Variants in HMX1 observed in about 807,000 individuals in gnomAD.
The protein encoded by HMX1 is H6 family homeobox 1.
HMX1 carries 8 observed loss-of-function variants against 8.9 expected under a neutral mutation model. The ratio of observed to expected loss-of-function variants is 0.90; its 90% CI spans 0.53 to 1.63. The LOEUF is 1.63. HMX1 is among the 40% of genes most tolerant of loss of function. HMX1 has a pLI of 0.00. For missense variants in HMX1, 621 were observed against 558.5 expected (o/e 1.11, Z -1.13); for synonymous variants, 311 against 283.4 (o/e 1.10, Z -0.98).
chr4:8,868,246 G>C lies in HMX1; in HGVS notation c.494C>G (p.Ala165Gly), dbSNP rs1412313046. Residue 165 changes from alanine to glycine, a missense_variant, in exon 2 of 2, where the codon GCG (alanine) becomes GGG (glycine). Coordinates refer to ENST00000400677, the MANE Select transcript of HMX1 (RefSeq NM_018942.3). This position sits in a 1 kb window ranked among gnomAD's most constrained non-coding sequence, Gnocchi z 4.6. ...PGPGAVQREA[A>G]ELAARGPAAG... The stretch of plus-strand genomic sequence containing the variant: ...CGCCGGGCCACGCGCCGCCAGCTCC[G>C]CTGCCTCCCGCTGCACCGCTCCCGG... 12 of 1,434,604 alleles carry C rather than the reference G, an allele frequency of 8.4e-6. No homozygotes were observed. The Admixed American group carries it at 2.2e-4, about 26-fold the overall frequency. 88.9% of individuals were successfully genotyped at this position (1,434,604 alleles called of 1,614,324 possible).
At chr4:8,856,605 G>C (rs1721615096) in intron 1 of HMX1, among the ~76,000 whole-genome samples, 1 of 152,146 alleles carries the variant, frequency 6.6e-6, no homozygotes, top group African/African-American at 2.4e-5. Flanking sequence ...ACACGGGTGT[G>C]CACATTTATC....
Position 8,868,002 on chromosome 4 carries a change from C to G in HMX1, c.738G>C (p.Gln246His). The G allele has an allele frequency of 6.5e-7, 1 of 1,544,448 alleles. No homozygotes were observed. The highest frequency in any genetic ancestry group is 8.7e-7 in the Non-Finnish European group (1 of 1,145,502). Residue 246 changes from glutamine (Q) to histidine (H), a missense_variant, in exon 2 of 2, where the codon CAG becomes CAC. By Grantham distance (24) the Gln-to-His change is conservative. Coordinates refer to ENST00000400677, the MANE Select transcript of HMX1 (RefSeq NM_018942.3). The surrounding 1 kb of genome is among the most constrained non-coding windows in gnomAD (Gnocchi z 4.6). ...LAASLQLTET[Q>H]VKIWFQNRRN... ...GGCGGTTCTGGAACCAGATCTTAAC[C>G]TGCGTCTCGGTGAGCTGCAGGGAGG...
chr4:8,865,123 C>T (rs1275243842), downstream of HMX1, among the ~76,000 whole-genome samples: 1 of 152,186 alleles, frequency 6.6e-6, no homozygotes, highest in African/African-American at 2.4e-5. Context: ...TTAAGGCCAC[C>T]TGTGAAGGGC....
At chr4:8,851,677 A>C (rs1227493615) in intron 1 of HMX1, among the ~76,000 whole-genome samples, 1 of 152,190 alleles carries the variant, frequency 6.6e-6, no homozygotes. Flanking sequence ...TCAGGCATGA[A>C]TCTGCCATGG....
intron 1 of HMX1, among the ~76,000 whole-genome samples, chr4:8,851,242 G>A (rs1024962190): frequency 3.9e-5 from 6 of 152,182 alleles, no homozygotes; most frequent in South Asian, 2.1e-4. Flanking sequence ...TCGGGTCTTC[G>A]TGGCAGAACA....
At position 8,848,338 on chromosome 4, in the gene HMX1, A is replaced by G. The variant is rs1056054926; in HGVS notation, c.395-2014T>C. ...CTGTTTGTTCTTTAATGTAGCTACT[A>G]GAAAATTTATATCACATATGTGGTT... is the stretch of plus-strand genomic sequence containing the variant. On this transcript the variant is annotated intron_variant, in intron 1 of 1. Transcript: ENST00000506970. This position sits in a 1 kb window ranked among gnomAD's most constrained non-coding sequence, Gnocchi z 4.1. 6.6e-6 allele frequency among the ~76,000 whole-genome samples: 1 copy of G among 152,354 alleles called. No individual in the cohort carries two copies. Among genetic ancestry groups the G allele is most frequent in the East Asian group, 1.9e-4 (1 of 5,184 alleles).
intron 1 of HMX1, among the ~76,000 whole-genome samples, chr4:8,858,063 C>T (rs1276329964): frequency 6.6e-6 from 1 of 152,004 alleles, no homozygotes; most frequent in Non-Finnish European, 1.5e-5. Context: ...AGACGGGGAT[C>T]AATGCCGGGC....
rs1577189486 is a variant in HMX1, at chr4:8,846,106, T to C, written c.*40A>G. The C allele has an allele frequency of 4.7e-6, 3 of 641,774 alleles. No individual in the cohort carries two copies. In the East Asian group the frequency reaches 8.3e-5, roughly 18 times the overall value. 39.8% of individuals were successfully genotyped at this position (641,774 alleles called of 1,614,324 possible). ...GCACACACTAAGGTTTATTTCTTGC[T>C]CACACTGAGTGCCCCCTGTGGGAAC... On this transcript the variant is annotated 3_prime_UTR_variant, in exon 2 of 2. Coordinates refer to the HMX1 transcript ENST00000506970.
rs1276905522 is a variant in HMX1, at chr4:8,871,827, T to G, written c.-213A>C. The G allele has an allele frequency of 4.1e-6, 2 of 490,450 alleles. No individual in the cohort carries two copies. Among genetic ancestry groups the G allele is most frequent in the Non-Finnish European group, 5.2e-6 (2 of 386,462 alleles). The allele number at this position is 490,450 out of a possible 1,614,324, so 30.4% of individuals were successfully genotyped here. ...GCCGACAGCTGATCGGGCAGCCGCC[T>G]GGCTCGCCTTTCAGGTCGCCGTTCT... On this transcript the variant is annotated 5_prime_UTR_variant, in exon 1 of 2. Transcript: ENST00000400677. This position sits in a 1 kb window ranked among gnomAD's most constrained non-coding sequence, Gnocchi z 4.8.
At chr4:8,862,474 C>G (rs917126086), downstream of HMX1, among the ~76,000 whole-genome samples, 6 of 152,218 alleles carry the variant, frequency 3.9e-5, no homozygotes, top group African/African-American at 1.2e-4. Context: ...GTTCTTAAAC[C>G]GTGACCAATC....
Position 8,848,703 on chromosome 4 carries a change from G to A in HMX1, c.395-2379C>T, listed in dbSNP as rs1721346766. Among the ~76,000 whole-genome samples, 1 of 152,132 alleles carries A rather than the reference G, an allele frequency of 6.6e-6. No individual in the cohort carries two copies. The highest frequency in any genetic ancestry group is 1.5e-5 in the Non-Finnish European group (1 of 68,032). ...TGCCTTGCAAGAACACAGATCTGCA[G>A]GCCACTAGAACCAAGCAAGATGCCA... On this transcript the variant is annotated intron_variant, in intron 1 of 1. Transcript: ENST00000506970. The surrounding 1 kb of genome is among the most constrained non-coding windows in gnomAD (Gnocchi z 4.1).
In HMX1 at chr4:8,867,546, C is replaced by A; in HGVS notation, c.*147G>T. Reference sequence around the variant, plus strand: ...CTCCCCACAGAAGCTGAGGCCCGCCCGGCCGCGGCCTGCGCTCCCGAGGTA... The same window carrying A: ...CTCCCCACAGAAGCTGAGGCCCGCCAGGCCGCGGCCTGCGCTCCCGAGGTA... On this transcript the variant is annotated 3_prime_UTR_variant, in exon 2 of 2. Coordinates refer to ENST00000400677, the MANE Select transcript of HMX1 (RefSeq NM_018942.3). 1 of 1,188,240 alleles carries A rather than the reference C, an allele frequency of 8.4e-7. No individual in the cohort carries two copies. Among genetic ancestry groups the A allele is most frequent in the South Asian group, 4.3e-5 (1 of 23,156 alleles). 73.6% of individuals were successfully genotyped at this position (1,188,240 alleles called of 1,614,324 possible).
At position 8,867,760 on chromosome 4, in the gene HMX1, G is replaced by C; in HGVS notation, c.980C>G (p.Pro327Arg). 1 of 1,283,296 alleles carries C rather than the reference G, an allele frequency of 7.8e-7. No homozygotes were observed. Among genetic ancestry groups the C allele is most frequent in the South Asian group, 2.8e-5 (1 of 35,630 alleles). The allele number at this position is 1,283,296 out of a possible 1,614,324, so 79.5% of individuals were successfully genotyped here. A position where few individuals can be genotyped will look rare whatever the true frequency, so the allele number is the denominator to read the frequency against. The part of the protein sequence containing the change: ...LLGFSGALAY[P>R]LAAFPAAASV... ...GGCGGCGGCCGGGAAGGCGGCCAGC[G>C]GGTAGGCGAGGGCCCCGGAGAAGCC... The change falls in exon 2 of 2, where the codon CCG (proline) becomes CGG (arginine). Residue 327 changes from proline to arginine, a missense_variant. Physicochemically the swap from Pro to Arg is moderately radical, Grantham distance 103. Transcript: ENST00000400677.
chr4:8,865,511 GGCTGT>G (rs1721967498), downstream of HMX1, among the ~76,000 whole-genome samples: 4 of 151,192 alleles, frequency 2.6e-5, no homozygotes, highest in South Asian at 8.4e-4. Flanking sequence ...CGGTGTCGCC[GGCTGT>G]GCCCTGGCCC....
At chr4:8,863,975 T>C (rs145974621), downstream of HMX1, among the ~76,000 whole-genome samples, 1,046 of 152,244 alleles carry the variant, frequency 6.9e-3, 16 homozygotes, top group African/African-American at 0.024. Context: ...GACTCTGCCT[T>C]TGGAGGTCCC....
rs143990544 is a variant in HMX1 at position 8,847,784 on chromosome 4, T to C, written c.395-1460A>G. ...CAGTTGGTACTCTGTAATTGCTTTC[T>C]GGACACAAGAATAAAGAAACAGGAT... On this transcript the variant is annotated intron_variant, in intron 1 of 1. Transcript: ENST00000506970. The surrounding 1 kb of genome is among the most constrained non-coding windows in gnomAD (Gnocchi z 6.0). 1.3e-4 allele frequency among the ~76,000 whole-genome samples: 20 copies of C among 152,324 alleles called. No individual in the cohort carries two copies. The highest frequency in any genetic ancestry group is 1.2e-3 in the East Asian group (6 of 5,182).
At chr4:8,869,393 C>G (rs1221877385) in intron 1 of HMX1, among the ~76,000 whole-genome samples, 3 of 152,246 alleles carry the variant, frequency 2.0e-5, no homozygotes, top group African/African-American at 7.2e-5. Context: ...TCTGGAGCCT[C>G]CCGTGCAAAG....
intron 1 of HMX1, among the ~76,000 whole-genome samples, chr4:8,860,128 T>C (rs139860701): frequency 6.6e-6 from 1 of 152,224 alleles, no homozygotes; most frequent in South Asian, 2.1e-4. Flanking sequence ...AGGGCCCTGG[T>C]GCCTGGACAC....
downstream of HMX1, among the ~76,000 whole-genome samples, chr4:8,866,663 G>T: frequency 6.6e-6 from 1 of 152,228 alleles, no homozygotes; most frequent in Non-Finnish European, 1.5e-5. Context: ...TTGGCCCAAA[G>T]AAAAATTCCA....
Sources: gnomAD v4.1 joint callset for allele counts (sites outside exome capture counted in the v4.1 genomes callset) on GRCh38, gnomAD v4.1.1 for gene constraint, Gnocchi (gnomAD v3.1) non-coding constraint, MANE v1.5 for transcripts, NCBI Gene and HGNC (gene_info 2026-07-23, HGNC 2026-07-21) for gene names.